UNC5C: variants seen among roughly 807,000 people sequenced by gnomAD.
UNC5C encodes the protein netrin receptor UNC5C.
In UNC5C, 47 loss-of-function variants were observed where a neutral mutation model predicts 99.8. That is an observed-to-expected ratio of 0.47 (90% confidence interval 0.37 to 0.60). The LOEUF is 0.60. Among genes scored for constraint, UNC5C ranks in the 20% least tolerant of loss-of-function variants. UNC5C has a pLI of 0.00. For missense variants in UNC5C, 1,062 were observed against 1,165.9 expected (o/e 0.91, Z 1.30); for synonymous variants, 487 against 452.2 (o/e 1.08, Z -0.98).
chr4:95,362,056 C>A (rs1458252768), intron 1 of UNC5C, among the ~76,000 whole-genome samples: 1 of 152,086 alleles, frequency 6.6e-6, no homozygotes. Context: ...ACACTGGACT[C>A]AGTGTCAGAA....
At chr4:95,225,502 A>T (rs749828239) in intron 7 of UNC5C, among the ~76,000 whole-genome samples, 3 of 152,186 alleles carry the variant, frequency 2.0e-5, no homozygotes, top group Non-Finnish European at 4.4e-5. Flanking sequence ...TCTATAACAC[A>T]TGGCTTGGGA....
chr4:95,317,324 G>A (rs985013503), intron 2 of UNC5C, among the ~76,000 whole-genome samples: 1 of 152,144 alleles, frequency 6.6e-6, no homozygotes, highest in Admixed American at 6.6e-5. Flanking sequence ...GGAAATCAGG[G>A]GGAAAAATCT....
intron 1 of UNC5C, among the ~76,000 whole-genome samples, chr4:95,510,327 A>G (rs370647285): frequency 6.6e-6 from 1 of 152,066 alleles, no homozygotes; most frequent in Non-Finnish European, 1.5e-5. Flanking sequence ...AAGTTCGCTA[A>G]AACAGACCAC....
chr4:95,345,648 C>G (rs1321659042), intron 1 of UNC5C, among the ~76,000 whole-genome samples: 1 of 151,898 alleles, frequency 6.6e-6, no homozygotes, highest in Non-Finnish European at 1.5e-5. Context: ...GAAATTATAT[C>G]AAGTATCTTC....
At chr4:95,260,820 G>A (rs564525411) in intron 4 of UNC5C, among the ~76,000 whole-genome samples, 1 of 152,178 alleles carries the variant, frequency 6.6e-6, no homozygotes, top group South Asian at 2.1e-4. Context: ...GGAATGGAGA[G>A]AAGTTGCCCA....
chr4:95,374,106 C>T (rs531054041), intron 1 of UNC5C, among the ~76,000 whole-genome samples: 1 of 152,154 alleles, frequency 6.6e-6, no homozygotes, highest in South Asian at 2.1e-4. Flanking sequence ...AGCAACATCC[C>T]TCAGGACTCT....
chr4:95,249,216 G>A (rs1739606677), intron 5 of UNC5C, among the ~76,000 whole-genome samples: 1 of 152,132 alleles, frequency 6.6e-6, no homozygotes, highest in African/African-American at 2.4e-5. Context: ...TGTTTGCCCA[G>A]TGATGAAATC....
intron 4 of UNC5C, among the ~76,000 whole-genome samples, chr4:95,254,487 C>T (rs1338766734): frequency 1.3e-5 from 2 of 152,182 alleles, no homozygotes; most frequent in Non-Finnish European, 2.9e-5. Flanking sequence ...TTAAGCTCCC[C>T]AAGGGTTGTA....
At chr4:95,518,860 G>C (rs959458018) in intron 1 of UNC5C, among the ~76,000 whole-genome samples, 1 of 152,130 alleles carries the variant, frequency 6.6e-6, no homozygotes, top group African/African-American at 2.4e-5. Flanking sequence ...AGGATCTAGT[G>C]AGAAATACGT....
At chr4:95,355,788 T>C (rs1211741997) in intron 1 of UNC5C, among the ~76,000 whole-genome samples, 1 of 152,112 alleles carries the variant, frequency 6.6e-6, no homozygotes, top group Admixed American at 6.6e-5. Context: ...GATGAATACA[T>C]AGAGATTCCT....
intron 9 of UNC5C, 81 bp downstream of exon 9, chr4:95,218,885 AAAC>A: frequency 7.3e-7 from 1 of 1,372,818 alleles, no homozygotes; most frequent in East Asian, 2.4e-5. Context: ...GGCCTAATGA[AAAC>A]ATCCCACGAA....
chr4:95,296,261 C>T (rs957591008), intron 3 of UNC5C, among the ~76,000 whole-genome samples: 3 of 152,090 alleles, frequency 2.0e-5, no homozygotes, highest in Non-Finnish European at 2.9e-5. Context: ...GGGGTTCCTT[C>T]GGTACACACA....
chr4:95,454,767 T>C (rs1170661417), intron 1 of UNC5C, among the ~76,000 whole-genome samples: 3 of 152,138 alleles, frequency 2.0e-5, no homozygotes, highest in Non-Finnish European at 4.4e-5. Flanking sequence ...TGAGACTTTA[T>C]GACTCAATGA....
chr4:95,373,439 G>A (rs954909109), intron 1 of UNC5C, among the ~76,000 whole-genome samples: 2 of 152,086 alleles, frequency 1.3e-5, no homozygotes, highest in African/African-American at 4.8e-5. Context: ...GCATCCAGGA[G>A]CACTCTCTAC....
In UNC5C at chr4:95,179,679, G is replaced by A. The variant is rs561202854; in HGVS notation, c.2451+3218C>T. 1.7e-4 allele frequency among the ~76,000 whole-genome samples: 26 copies of A among 150,634 alleles called. 1 individual carries two copies. The highest frequency in any genetic ancestry group is 5.8e-4 in the African/African-American group (24 of 41,218). On this transcript the variant is annotated intron_variant, in intron 14 of 15. Transcript: ENST00000453304. ...GGAGAATTGTTTGAACCCAGGAGGC[G>A]GAGGTTGCAGTGAGCTGAAGTCGTG...
intron 1 of UNC5C, among the ~76,000 whole-genome samples, chr4:95,458,075 C>T (rs265039): frequency 0.64 from 96,529 of 151,922 alleles, 31,272 homozygotes; most frequent in East Asian, 0.82. Context: ...GTGTACATTT[C>T]CTCCGTCACT....
chr4:95,495,222 C>A (rs1033541242), intron 1 of UNC5C, among the ~76,000 whole-genome samples: 1 of 151,376 alleles, frequency 6.6e-6, no homozygotes, highest in African/African-American at 2.4e-5. Context: ...AAGATTCTAA[C>A]ACACTCCCCA....
chr4:95,496,721 G>A lies in UNC5C; in HGVS notation c.124+52013C>T, dbSNP rs569189183. ...TTATTTCAATAGTTTTTGAGGTACA[G>A]GTGGTTCTTGGTTACATGGATAAGT... On this transcript the variant is annotated intron_variant, in intron 1 of 15. Transcript: ENST00000453304. Among the ~76,000 whole-genome samples, 4 of 151,826 alleles carry A rather than the reference G, an allele frequency of 2.6e-5. No individual in the cohort carries two copies. The South Asian group carries it at 8.3e-4, about 32-fold the overall frequency.
intron 1 of UNC5C, among the ~76,000 whole-genome samples, chr4:95,542,238 T>C (rs1458705951): frequency 3.9e-5 from 6 of 152,110 alleles, no homozygotes; most frequent in Non-Finnish European, 8.8e-5. Context: ...TAATGAAGTT[T>C]CACCCGGCTC....
Sources: gnomAD v4.1 joint callset for allele counts (sites outside exome capture counted in the v4.1 genomes callset) on GRCh38, gnomAD v4.1.1 for gene constraint, MANE v1.5 for transcripts, NCBI Gene and HGNC (gene_info 2026-07-23, HGNC 2026-07-21) for gene names.